HUWE1: variants seen among roughly 807,000 people sequenced by gnomAD.
The protein encoded by HUWE1 is HECT, UBA and WWE domain containing E3 ubiquitin protein ligase 1.
HUWE1 carries 18 observed loss-of-function variants against 299.4 expected under a neutral mutation model. That is an observed-to-expected ratio of 0.06 (90% CI 0.04 to 0.09). The LOEUF (loss-of-function observed/expected upper bound fraction) is 0.09. HUWE1 is among the 10% of genes least tolerant of loss of function. The pLI, the probability that HUWE1 is intolerant of heterozygous loss-of-function variation, is 1.00. For synonymous variants in HUWE1, 1,317 were observed against 1,286.1 expected (o/e 1.02, Z -0.51); for missense variants, 1,832 against 3,462.3 (o/e 0.53, Z 11.82).
At chrX:53,577,174 T>C (rs953450988) in intron 43 of HUWE1, 107 bp from the exon 44 acceptor site, 1 of 585,755 alleles carries the variant, frequency 1.7e-6, no homozygotes, top group African/African-American at 2.2e-5. Context: ...AGGCTTGAGA[T>C]AGGAGACCAT....
chrX:53,580,102 G>A (rs1366081161), intron 43 of HUWE1, among the ~76,000 whole-genome samples: 1 of 111,075 alleles, frequency 9.0e-6, no homozygotes, highest in African/African-American at 3.3e-5. Flanking sequence ...TAAGATCAAG[G>A]ACATATATTT....
At chrX:53,637,075 T>C (rs151155048) in intron 7 of HUWE1, among the ~76,000 whole-genome samples, 3,448 of 112,228 alleles carry the variant, frequency 0.031, 49 homozygotes, top group South Asian at 0.048. Context: ...TAATTTTACT[T>C]TGATGAGGTA....
At chrX:53,537,804 CTT>C (rs781980095) in intron 77 of HUWE1, 108 bp from the exon 78 acceptor site, 32 of 796,771 alleles carry the variant, frequency 4.0e-5, no homozygotes, top group Non-Finnish European at 5.2e-5. Context: ...CCTCCAAACA[CTT>C]TGATCTCTGC....
At chrX:53,598,722 G>T (rs140581127) in intron 29 of HUWE1, among the ~76,000 whole-genome samples, 1,252 of 111,652 alleles carry the variant, frequency 0.011, 22 homozygotes, top group African/African-American at 0.039. Flanking sequence ...GGAGTCAAAC[G>T]TTATACATGG....
At chrX:53,657,866 G>A (rs782643074) in intron 3 of HUWE1, among the ~76,000 whole-genome samples, 3 of 108,485 alleles carry the variant, frequency 2.8e-5, no homozygotes, top group Non-Finnish European at 3.8e-5. Context: ...TGGCTAACAC[G>A]GTGAAACCCC....
chrX:53,563,955 C>T (rs2062412701), intron 51 of HUWE1, 134 bp from the exon 52 acceptor site: 1 of 712,306 alleles, frequency 1.4e-6, no homozygotes, highest in Non-Finnish European at 2.1e-6. Context: ...CGTGAAACCA[C>T]ACATTCGGTG....
At chrX:53,669,511 T>C (rs1299346391) in intron 3 of HUWE1, among the ~76,000 whole-genome samples, 1 of 112,393 alleles carries the variant, frequency 8.9e-6, no homozygotes, top group Non-Finnish European at 1.9e-5. Context: ...GGAAGTACAA[T>C]AACTAAGATC....
At chrX:53,632,814 T>C (rs1318884121) in intron 8 of HUWE1, among the ~76,000 whole-genome samples, 7 of 112,178 alleles carry the variant, frequency 6.2e-5, no homozygotes, top group Admixed American at 5.7e-4. Context: ...TTCATACTTA[T>C]AAATTTCCAG....
At chrX:53,537,315 C>T in intron 78 of HUWE1, 1 of 424,802 alleles carries the variant, frequency 2.4e-6, no homozygotes, top group Non-Finnish European at 4.1e-6. Flanking sequence ...TCCTTATAAA[C>T]ACCAAAGACT....
intron 15 of HUWE1, among the ~76,000 whole-genome samples, chrX:53,628,284 A>G (rs2066650296): frequency 9.0e-6 from 1 of 110,955 alleles, no homozygotes; most frequent in African/African-American, 3.3e-5. Flanking sequence ...CACTATGATA[A>G]AAGTCTCAAT....
chrX:53,535,226 T>A (rs782161621), intron 81 of HUWE1, among the ~76,000 whole-genome samples, 158 bp downstream of exon 81: 1 of 112,300 alleles, frequency 8.9e-6, no homozygotes, highest in South Asian at 3.7e-4. Flanking sequence ...TGAGCCACCG[T>A]GCCCAAAGTT....
chrX:53,545,200 C>T (rs782708417), intron 70 of HUWE1, 39 bp from the exon 71 acceptor site: 1 of 1,196,753 alleles, frequency 8.4e-7, no homozygotes, highest in South Asian at 1.8e-5. Context: ...TCAGAGACTC[C>T]CCTGGTAAAG....
intron 60 of HUWE1, among the ~76,000 whole-genome samples, chrX:53,555,180 C>T (rs1393244586): frequency 2.7e-5 from 3 of 111,734 alleles, no homozygotes; most frequent in Non-Finnish European, 5.6e-5. Flanking sequence ...CTGTGCCCTG[C>T]AGGTGGAAGG....
intron 17 of HUWE1, 54 bp from the exon 18 acceptor site, chrX:53,625,312 T>C: frequency 1.2e-6 from 1 of 853,547 alleles, no homozygotes; most frequent in Non-Finnish European, 1.8e-6. Context: ...TAAACCACAA[T>C]GATCAAGCAC....
chrX:53,683,135 G>A (rs1318406107), intron 2 of HUWE1, among the ~76,000 whole-genome samples: 2 of 111,281 alleles, frequency 1.8e-5, no homozygotes, highest in Non-Finnish European at 3.8e-5. Flanking sequence ...AGACAGAGCG[G>A]GCTAGAGGAC....
intron 34 of HUWE1, 38 bp from the exon 35 acceptor site, chrX:53,590,537 T>G (rs2064100764): frequency 9.7e-7 from 1 of 1,025,789 alleles, no homozygotes; most frequent in African/African-American, 1.8e-5. Context: ...GGATACACAC[T>G]CAAAACAAAG....
At chrX:53,537,854 G>A (rs1313680933) in intron 77 of HUWE1, among the ~76,000 whole-genome samples, 158 bp from the exon 78 acceptor site, 1 of 111,568 alleles carries the variant, frequency 9.0e-6, no homozygotes, top group African/African-American at 3.3e-5. Context: ...AGTTGGGAGA[G>A]GTAGATCACT....
At chrX:53,573,631 C>T in intron 47 of HUWE1, 119 bp downstream of exon 47, 1 of 614,939 alleles carries the variant, frequency 1.6e-6, no homozygotes, top group South Asian at 2.5e-5. Context: ...GATGCCTCTT[C>T]TCACTCATTA....
intron 76 of HUWE1, 71 bp downstream of exon 76, chrX:53,538,764 G>A (rs1221890908): frequency 1.8e-5 from 15 of 842,926 alleles, no homozygotes; most frequent in Non-Finnish European, 2.6e-5. Context: ...ATCAACTAAG[G>A]ATTAACTGTA....
Sources: allele counts gnomAD v4.1 joint callset (sites outside exome capture counted in the v4.1 genomes callset), GRCh38; gene constraint gnomAD v4.1.1; transcripts MANE v1.5; gene names NCBI Gene and HGNC (gene_info 2026-07-23, HGNC 2026-07-21).